The following PIBF1 variants were observed in gnomAD, a reference collection of about 807,000 sequenced individuals.
PIBF1 encodes progesterone immunomodulatory binding factor 1, also known as progesterone-induced-blocking factor 1.
Under a neutral mutation model 112.5 loss-of-function variants are expected in PIBF1, and 90 were observed. The ratio of observed to expected loss-of-function variants is 0.80; its 90% CI spans 0.67 to 0.95. The LOEUF (loss-of-function observed/expected upper bound fraction) is 0.95, where lower values mean the gene tolerates loss of function less well. PIBF1 is among the 40% of genes least tolerant of loss of function. PIBF1 has a pLI of 0.00. For missense variants in PIBF1, 915 were observed against 852.3 expected, an observed-to-expected ratio of 1.07 and a Z score of -0.92; for synonymous variants, 301 against 288.6, an observed-to-expected ratio of 1.04 and a Z score of -0.44.
At chr13:72,846,214 G>A (rs2037872214) in intron 9 of PIBF1, among the ~76,000 whole-genome samples, 1 of 152,048 alleles carries the variant, frequency 6.6e-6, no homozygotes, top group Non-Finnish European at 1.5e-5. Context: ...TCCACCTTCA[G>A]TCTTACCCAG....
chr13:72,956,884 T>G (rs1236998020), intron 14 of PIBF1, among the ~76,000 whole-genome samples: 1 of 152,148 alleles, frequency 6.6e-6, no homozygotes, highest in East Asian at 1.9e-4. Context: ...CAAAAGAAGA[T>G]ATACAAATGG....
At chr13:72,917,386 T>C (rs993850056) in intron 13 of PIBF1, among the ~76,000 whole-genome samples, 1 of 152,148 alleles carries the variant, frequency 6.6e-6, no homozygotes, top group Non-Finnish European at 1.5e-5. Context: ...TTATGTAGAA[T>C]TAGATTCGAT....
At chr13:72,800,066 T>C (rs897242523) in intron 5 of PIBF1, among the ~76,000 whole-genome samples, 1 of 152,250 alleles carries the variant, frequency 6.6e-6, no homozygotes, top group African/African-American at 2.4e-5. Context: ...AACAGAGCCT[T>C]GCTCAGTCGC....
rs142339207 is a variant in PIBF1 at position 72,922,024 on chromosome 13, G to A, written c.1730+4858G>A. ...TTTAAGAGTCTCACTCTGTTACTCA[G>A]GTCGGAATGCAGTGGCACCATCATA... On this transcript the variant is annotated intron_variant, in intron 13 of 17. Transcript: ENST00000326291. Among the ~76,000 whole-genome samples the A allele has an allele frequency of 1.7e-3, 253 of 152,268 alleles. 2 individuals carry two copies. The highest frequency in any genetic ancestry group is 6.8e-3 in the Middle Eastern group (2 of 294).
intron 13 of PIBF1, among the ~76,000 whole-genome samples, chr13:72,925,781 A>G (rs2138734421): frequency 6.6e-6 from 1 of 152,028 alleles, no homozygotes; most frequent in East Asian, 1.9e-4. Context: ...ACCTCAAGTG[A>G]TCTGCCCACC....
At chr13:72,830,219 G>A (rs2037036082) in intron 8 of PIBF1, among the ~76,000 whole-genome samples, 1 of 152,030 alleles carries the variant, frequency 6.6e-6, no homozygotes, top group Non-Finnish European at 1.5e-5. Context: ...TGTCATCAAC[G>A]AACTGAGACA....
At chr13:72,904,115 G>C (rs978019547) in intron 11 of PIBF1, among the ~76,000 whole-genome samples, 1 of 150,814 alleles carries the variant, frequency 6.6e-6, no homozygotes, top group Non-Finnish European at 1.5e-5. Flanking sequence ...TCACTTTTCA[G>C]ATCCCATAAT....
At chr13:72,814,291 C>A (rs2036161354) in intron 5 of PIBF1, among the ~76,000 whole-genome samples, 4 of 151,814 alleles carry the variant, frequency 2.6e-5, no homozygotes. Flanking sequence ...CAAAAATTAG[C>A]CGGGCATAGT....
chr13:72,916,970 T>C (rs9592872), intron 12 of PIBF1, 106 bp from the exon 13 acceptor site: 19,143 of 591,872 alleles, frequency 0.032, 392 homozygotes, highest in Non-Finnish European at 0.041. Context: ...CTTTCTAATG[T>C]TTTTATCCTC....
At chr13:72,872,899 A>G (rs1462132078) in intron 10 of PIBF1, among the ~76,000 whole-genome samples, 1 of 152,218 alleles carries the variant, frequency 6.6e-6, no homozygotes, top group Non-Finnish European at 1.5e-5. Context: ...AAGCAAGTAC[A>G]GGACCTGTAC....
chr13:72,914,578 A>G (rs1474197948), intron 12 of PIBF1, among the ~76,000 whole-genome samples: 7 of 152,094 alleles, frequency 4.6e-5, no homozygotes, highest in Admixed American at 6.6e-5. Flanking sequence ...GTTACTATCA[A>G]TAGGCTAGTA....
At chr13:72,904,306 A>G (rs1394756637) in intron 11 of PIBF1, among the ~76,000 whole-genome samples, 1 of 151,942 alleles carries the variant, frequency 6.6e-6, no homozygotes, top group East Asian at 1.9e-4. Flanking sequence ...ATATTAAAGT[A>G]GTTTCCCCCA....
intron 14 of PIBF1, among the ~76,000 whole-genome samples, chr13:72,932,494 G>A (rs1337005516): frequency 6.6e-6 from 1 of 152,140 alleles, no homozygotes; most frequent in African/African-American, 2.4e-5. Flanking sequence ...TGACACAGTG[G>A]TGTGTTGGTA....
chr13:73,007,374 G>A (rs2044067263), intron 17 of PIBF1, among the ~76,000 whole-genome samples: 2 of 150,130 alleles, frequency 1.3e-5, no homozygotes, highest in South Asian at 4.2e-4. Context: ...TTGGCTGACT[G>A]CAGCCTCCAC....
At chr13:72,841,519 C>A (rs1455008470) in intron 9 of PIBF1, among the ~76,000 whole-genome samples, 1 of 152,120 alleles carries the variant, frequency 6.6e-6, no homozygotes, top group Non-Finnish European at 1.5e-5. Flanking sequence ...ACCTGTAATA[C>A]CAACACTTTG....
intron 10 of PIBF1, among the ~76,000 whole-genome samples, chr13:72,863,519 G>C (rs1014842612): frequency 6.6e-6 from 1 of 151,668 alleles, no homozygotes; most frequent in Non-Finnish European, 1.5e-5. Context: ...TTATCCAGGC[G>C]TGGTGGTGGG....
At chr13:72,807,813 T>G (rs2035810804) in intron 5 of PIBF1, among the ~76,000 whole-genome samples, 1 of 152,180 alleles carries the variant, frequency 6.6e-6, no homozygotes, top group African/African-American at 2.4e-5. Context: ...AGAGTGTAAT[T>G]TTTTGCCATT....
chr13:72,945,872 A>G (rs942356781), intron 14 of PIBF1, among the ~76,000 whole-genome samples: 3 of 152,208 alleles, frequency 2.0e-5, no homozygotes, highest in Non-Finnish European at 1.5e-5. Flanking sequence ...ATATATGTAT[A>G]AATAAGAATA....
chr13:72,986,655 C>T (rs1262962832), intron 16 of PIBF1, among the ~76,000 whole-genome samples: 1 of 149,940 alleles, frequency 6.7e-6, no homozygotes, highest in Non-Finnish European at 1.5e-5. Flanking sequence ...TAGGGTATAG[C>T]TCCAAAAATG....
Sources: allele counts gnomAD v4.1 joint callset (sites outside exome capture counted in the v4.1 genomes callset), GRCh38; gene constraint gnomAD v4.1.1; transcripts MANE v1.5; gene names NCBI Gene and HGNC (gene_info 2026-07-23, HGNC 2026-07-21).